Variants in JAKMIP1 observed in about 807,000 individuals in gnomAD.
JAKMIP1 encodes the protein janus kinase and microtubule-interacting protein 1.
A neutral mutation model predicts 113.0 loss-of-function variants in JAKMIP1; 33 were observed. The observed-to-expected ratio is 0.29, with a 90% CI of 0.22 to 0.39. The LOEUF (loss-of-function observed/expected upper bound fraction) is 0.39, where lower values mean the gene tolerates loss of function less well. Among genes scored for constraint, JAKMIP1 ranks in the 10% least tolerant of loss-of-function variants. The pLI, the probability that JAKMIP1 is intolerant of heterozygous loss-of-function variation, is 1.00. For synonymous variants in JAKMIP1, 480 were observed against 459.9 expected (o/e 1.04, Z -0.56); for missense variants, 813 against 1,080.5 (o/e 0.75, Z 3.47).
At chr4:6,111,801 C>A (rs1226523264) in intron 2 of JAKMIP1, among the ~76,000 whole-genome samples, 1 of 152,204 alleles carries the variant, frequency 6.6e-6, no homozygotes, top group Non-Finnish European at 1.5e-5. Flanking sequence ...TAGCTCATAT[C>A]GCAGAACCAG....
At chr4:6,052,627 G>C (rs956554699) in intron 13 of JAKMIP1, among the ~76,000 whole-genome samples, 1 of 147,010 alleles carries the variant, frequency 6.8e-6, no homozygotes, top group South Asian at 2.2e-4. Flanking sequence ...CTCCAGCCTG[G>C]GTGACAGAGC....
In JAKMIP1 at chr4:6,158,388, C is replaced by T. The variant is rs1038240174; in HGVS notation, c.-148+41865G>A. On this transcript the variant is annotated intron_variant, in intron 1 of 20. Coordinates refer to ENST00000409021, the MANE Select transcript of JAKMIP1 (RefSeq NM_001099433.2). This position sits in a 1 kb window ranked among gnomAD's most constrained non-coding sequence, Gnocchi z 5.3. ...AATCTCAGTGATGGCCACAGGTGAA[C>T]GTGGCTCCAGGAAGGCTTCCAGAGG... 2.6e-5 allele frequency among the ~76,000 whole-genome samples: 4 copies of T among 152,172 alleles called. No individual in the cohort carries two copies. The highest frequency in any genetic ancestry group is 1.9e-4 in the East Asian group (1 of 5,190).
At chr4:6,151,712 G>A (rs914173228) in intron 1 of JAKMIP1, among the ~76,000 whole-genome samples, 1 of 152,188 alleles carries the variant, frequency 6.6e-6, no homozygotes, top group Non-Finnish European at 1.5e-5. Flanking sequence ...GTTGAAGGTG[G>A]ATCTCAATAG....
rs147944723 is a variant in JAKMIP1, at chr4:6,105,652, G to A, written c.445C>T (p.Leu149=). ...TCCAGGATCTCCTGCTGCAGCCGCAGGCGCTCTCCATCGAAGGCCCTGCGC... is the reference window on the plus strand; with the variant it reads ...TCCAGGATCTCCTGCTGCAGCCGCAAGCGCTCTCCATCGAAGGCCCTGCGC... The part of the protein sequence containing the change: ...EARRAFDGER[L]RLQQEILELK... The change falls in exon 3 of 21, where the codon CTG becomes TTG. Residue 149 remains leucine (L), a synonymous_variant. Transcript: ENST00000409021. 142 of 1,599,424 alleles carry A rather than the reference G, an allele frequency of 8.9e-5. No individual in the cohort carries two copies. The African/African-American group carries it at 1.5e-3, about 17-fold the overall frequency.
intron 19 of JAKMIP1, among the ~76,000 whole-genome samples, chr4:6,032,597 G>C (rs1712862447): frequency 1.3e-5 from 2 of 152,184 alleles, no homozygotes; most frequent in Non-Finnish European, 2.9e-5. Flanking sequence ...CTGCCTCCCT[G>C]GGCTGGAATA....
In JAKMIP1 at chr4:6,139,075, C is replaced by T. The variant is rs531803263; in HGVS notation, c.-147-26078G>A. ...TTAGAAACACACACACACACACACACACACACACATATACACACACACACA... is the reference window on the plus strand; with the variant it reads ...TTAGAAACACACACACACACACACATACACACACATATACACACACACACA... On this transcript the variant is annotated intron_variant, in intron 1 of 20. Coordinates refer to ENST00000409021, the MANE Select transcript of JAKMIP1 (RefSeq NM_001099433.2). The surrounding 1 kb of genome is among the most constrained non-coding windows in gnomAD (Gnocchi z 5.2). 1.8e-3 allele frequency among the ~76,000 whole-genome samples: 265 copies of T among 147,230 alleles called. 2 individuals carry two copies. Among genetic ancestry groups the T allele is most frequent in the African/African-American group, 6.8e-3 (254 of 37,384 alleles).
At position 6,054,060 on chromosome 4, in the gene JAKMIP1, A is replaced by C; in HGVS notation, c.1796T>G (p.Leu599Arg). The C allele has an allele frequency of 1.2e-6, 2 of 1,614,156 alleles. No individual in the cohort carries two copies. The highest frequency in any genetic ancestry group is 1.7e-6 in the Non-Finnish European group (2 of 1,179,946). The change falls in exon 13 of 21, where the codon CTA becomes CGA. Residue 599 changes from leucine (L) to arginine (R), a missense_variant. Physicochemically the swap from Leu to Arg is moderately radical, Grantham distance 102. Coordinates refer to ENST00000409021, the MANE Select transcript of JAKMIP1 (RefSeq NM_001099433.2). ...DQNELLEFRV[L>R]ELEERERRSP... ...GATAGAGTCTCTTACTTCGAGTTCT[A>C]GCACTCTGAATTCTAACAGCTCGTT...
rs1355334025 is a variant in JAKMIP1 at position 6,191,123 on chromosome 4, G to C, written c.-148+9130C>G. Among the ~76,000 whole-genome samples the C allele has an allele frequency of 2.0e-5, 3 of 152,214 alleles. No individual in the cohort carries two copies. The East Asian group carries it at 5.8e-4, about 29-fold the overall frequency. ...TATTGCAAAAGACTTACACAGGCTA[G>C]AGCCACTGAGTGGCCAAGAGGCAAT... On this transcript the variant is annotated intron_variant, in intron 1 of 20. Transcript: ENST00000409021.
chr4:6,028,968 C>T (rs1238971376), intron 20 of JAKMIP1, among the ~76,000 whole-genome samples: 1 of 152,202 alleles, frequency 6.6e-6, no homozygotes, highest in Non-Finnish European at 1.5e-5. Flanking sequence ...ACCACGTGGT[C>T]CCTGTCCTCA....
chr4:6,165,733 C>T (rs1723545449), intron 1 of JAKMIP1, among the ~76,000 whole-genome samples: 1 of 152,290 alleles, frequency 6.6e-6, no homozygotes, highest in Middle Eastern at 3.4e-3. Flanking sequence ...ATGTGACTCG[C>T]TTTATTGCAA....
At position 6,172,000 on chromosome 4, in the gene JAKMIP1, T is replaced by A. The variant is rs550085304; in HGVS notation, c.-148+28253A>T. 2.0e-5 allele frequency among the ~76,000 whole-genome samples: 3 copies of A among 152,274 alleles called. No individual in the cohort carries two copies. In the South Asian group the frequency reaches 6.2e-4, roughly 32 times the overall value. ...CTAACAGAAAGCAGAATTCCTTCCA[T>A]CTTCCCACAAGCTCCCCCACGTGAT... On this transcript the variant is annotated intron_variant, in intron 1 of 20. Transcript: ENST00000409021.
intron 1 of JAKMIP1, among the ~76,000 whole-genome samples, chr4:6,175,546 G>C (rs1357907599): frequency 6.6e-6 from 1 of 152,178 alleles, no homozygotes; most frequent in African/African-American, 2.4e-5. Context: ...CAAGCATCTC[G>C]CTCATGACTC....
Position 6,139,209 on chromosome 4 carries a change from C to T in JAKMIP1, c.-147-26212G>A, listed in dbSNP as rs1046468424. 2.6e-5 allele frequency among the ~76,000 whole-genome samples: 4 copies of T among 151,802 alleles called. No homozygotes were observed. The highest frequency in any genetic ancestry group is 9.7e-5 in the African/African-American group (4 of 41,320). ...GGAGGGTTCCCATGGGCTCCAGAAA[C>T]TTTCACTATTTAAAAGGGTTCTGCC... On this transcript the variant is annotated intron_variant, in intron 1 of 20. Coordinates refer to ENST00000409021, the MANE Select transcript of JAKMIP1 (RefSeq NM_001099433.2). The surrounding 1 kb of genome is among the most constrained non-coding windows in gnomAD (Gnocchi z 5.2).
In JAKMIP1 at chr4:6,112,845, C is replaced by T. The variant is rs774024893; in HGVS notation, c.6G>A (p.Ser2=). 1.9e-5 allele frequency: 31 copies of T among 1,613,614 alleles called. No homozygotes were observed. The South Asian group carries it at 2.5e-4, about 13-fold the overall frequency. M[S]KKGRSKGEKP... ...TCTCGCCCTTGCTCCGGCCTTTCTT[C>T]GACATGCTTCCCCTTGGGTCAGAGT... Residue 2 remains serine (S), a synonymous_variant, in exon 2 of 21, where the codon TCG becomes TCA. Coordinates refer to ENST00000409021, the MANE Select transcript of JAKMIP1 (RefSeq NM_001099433.2).
intron 1 of JAKMIP1, among the ~76,000 whole-genome samples, chr4:6,169,602 ATTGTGTGTGTGTGTG>A (rs1465401992): frequency 2.8e-5 from 2 of 70,548 alleles, no homozygotes; most frequent in African/African-American, 7.4e-5. Flanking sequence ...GCCCTAGGAA[ATTGTGTGTGTGTGTG>A]TGTGTGTGTG....
rs917633229 is a variant in JAKMIP1 at position 6,059,271 on chromosome 4, C to T, written c.1644+1153G>A. 7.2e-5 allele frequency among the ~76,000 whole-genome samples: 11 copies of T among 152,286 alleles called. No homozygotes were observed. The highest frequency in any genetic ancestry group is 1.9e-4 in the East Asian group (1 of 5,162). ...CTCTGTGCCAGGCATGCATGCTGGT[C>T]GCTGGCCGTCCGCCTCCATGGGAAC... On this transcript the variant is annotated intron_variant, in intron 11 of 20. Transcript: ENST00000409021. The surrounding 1 kb of genome is among the most constrained non-coding windows in gnomAD (Gnocchi z 4.8).
chr4:6,165,450 G>A (rs572093815), intron 1 of JAKMIP1, among the ~76,000 whole-genome samples: 1 of 152,216 alleles, frequency 6.6e-6, no homozygotes, highest in African/African-American at 2.4e-5. Context: ...AGCGGTAGGT[G>A]CACACCACCA....
At position 6,135,908 on chromosome 4, in the gene JAKMIP1, T is replaced by TG. The variant is rs914225267; in HGVS notation, c.-147-22912dup. On this transcript the variant is annotated intron_variant, in intron 1 of 20. Coordinates refer to ENST00000409021, the MANE Select transcript of JAKMIP1 (RefSeq NM_001099433.2). The surrounding 1 kb of genome is among the most constrained non-coding windows in gnomAD (Gnocchi z 4.9). Reference sequence around the variant, plus strand: ...ACTTAAGAAATGGTGGGGGGAGAGGTGGGGGGGGACAGCAAAAATAAGGAG... The same window carrying TG: ...ACTTAAGAAATGGTGGGGGGAGAGGTGGGGGGGGGACAGCAAAAATAAGGAG... Among the ~76,000 whole-genome samples, 23 of 96,978 alleles carry TG rather than the reference T, an allele frequency of 2.4e-4. No homozygotes were observed. The highest frequency in any genetic ancestry group is 1.5e-3 in the South Asian group (4 of 2,602). The allele number at this position is 96,978 out of a possible 152,430, so 63.6% of individuals were successfully genotyped here.
intron 19 of JAKMIP1, among the ~76,000 whole-genome samples, chr4:6,029,987 C>T (rs1345923356): frequency 6.6e-6 from 1 of 152,152 alleles, no homozygotes. Flanking sequence ...AGGCCTTGGT[C>T]CCCCGGCTCA....
Sources: allele counts gnomAD v4.1 joint callset (sites outside exome capture counted in the v4.1 genomes callset), GRCh38; gene constraint gnomAD v4.1.1; non-coding constraint Gnocchi (gnomAD v3.1); transcripts MANE v1.5; gene names NCBI Gene and HGNC (gene_info 2026-07-23, HGNC 2026-07-21).